The following ADAMTSL3 variants were observed in gnomAD, a reference collection of about 807,000 sequenced individuals.
The protein encoded by ADAMTSL3 is ADAMTS-like protein 3.
ADAMTSL3 carries 128 observed loss-of-function variants against 201.7 expected under a neutral mutation model. The ratio of observed to expected loss-of-function variants is 0.63; its 90% CI spans 0.55 to 0.73. ADAMTSL3 has a LOEUF of 0.73. ADAMTSL3 is among the 30% of genes least tolerant of loss of function. The probability of loss-of-function intolerance (pLI) is 0.00; values close to 1 mark genes in which losing one functional copy is unlikely to be tolerated. For missense variants in ADAMTSL3, 1,990 were observed against 2,119.6 expected (o/e 0.94, Z 1.20); for synonymous variants, 738 against 748.4 (o/e 0.99, Z 0.23).
intron 23 of ADAMTSL3, among the ~76,000 whole-genome samples, chr15:83,994,796 AC>A (rs2067655757): frequency 2.6e-5 from 1 of 38,084 alleles, no homozygotes; most frequent in Non-Finnish European, 4.1e-5. Context: ...TTTAGTAGAG[AC>A]GGGGGTTTCA....
chr15:83,714,454 A>G (rs2061972524), intron 3 of ADAMTSL3, among the ~76,000 whole-genome samples: 1 of 152,178 alleles, frequency 6.6e-6, no homozygotes, highest in Admixed American at 6.6e-5. Flanking sequence ...CAGCCTTTGC[A>G]TAAATTGTCC....
chr15:83,906,555 G>A (rs2141939858), intron 15 of ADAMTSL3, among the ~76,000 whole-genome samples: 1 of 151,720 alleles, frequency 6.6e-6, no homozygotes, highest in East Asian at 1.9e-4. Context: ...AACAGTAAAT[G>A]TGGTTGAATT....
At chr15:83,833,412 A>G (rs1433748431) in intron 6 of ADAMTSL3, among the ~76,000 whole-genome samples, 1 of 152,046 alleles carries the variant, frequency 6.6e-6, no homozygotes. Context: ...AAGGGTACTA[A>G]TCCTATTCAT....
chr15:83,854,281 A>G (rs2064685275), intron 7 of ADAMTSL3, among the ~76,000 whole-genome samples: 1 of 151,498 alleles, frequency 6.6e-6, no homozygotes, highest in South Asian at 2.1e-4. Context: ...AGTTCATTCC[A>G]GTTGTATTTT....
At position 83,898,143 on chromosome 15, in the gene ADAMTSL3, C is replaced by T. The variant is rs778593600; in HGVS notation, c.1615+138C>T. ...GACAGATTGCAATAGACCTTCCCAT[C>T]TAGATAAAGAAGTTAGATATATGTG... On this transcript the variant is annotated intron_variant, in intron 14 of 29. Transcript: ENST00000286744. 1.6e-5 allele frequency: 15 copies of T among 962,292 alleles called. No individual in the cohort carries two copies. In the Admixed American group the frequency reaches 2.0e-4, roughly 13 times the overall value. 59.6% of individuals were successfully genotyped at this position (962,292 alleles called of 1,614,324 possible). A position where few individuals can be genotyped will look rare whatever the true frequency, so the allele number is the denominator to read the frequency against.
At chr15:83,995,658 T>G (rs1442522059) in intron 23 of ADAMTSL3, among the ~76,000 whole-genome samples, 1 of 152,088 alleles carries the variant, frequency 6.6e-6, no homozygotes, top group Non-Finnish European at 1.5e-5. Context: ...TTCTTCTTAT[T>G]TATAGATAAT....
intron 6 of ADAMTSL3, among the ~76,000 whole-genome samples, chr15:83,836,080 G>A (rs1415932267): frequency 1.3e-5 from 2 of 152,124 alleles, no homozygotes; most frequent in Non-Finnish European, 2.9e-5. Flanking sequence ...TACATGCTAA[G>A]CATTCAATAA....
intron 23 of ADAMTSL3, among the ~76,000 whole-genome samples, chr15:84,011,804 A>G (rs2068011207): frequency 1.3e-5 from 2 of 152,248 alleles, no homozygotes; most frequent in South Asian, 4.1e-4. Context: ...TGTTGGCAAT[A>G]AACAACTATG....
At chr15:83,742,717 A>C (rs1365125727) in intron 3 of ADAMTSL3, among the ~76,000 whole-genome samples, 1 of 152,222 alleles carries the variant, frequency 6.6e-6, no homozygotes, top group African/African-American at 2.4e-5. Context: ...GAAGCTAGTA[A>C]GATTAGTTCT....
chr15:83,970,765 T>G (rs1004334778), intron 20 of ADAMTSL3, 128 bp downstream of exon 20: 13 of 1,219,178 alleles, frequency 1.1e-5, no homozygotes, highest in Admixed American at 2.3e-5. Context: ...GTACTCAGTG[T>G]TGTTTTCGGC....
intron 3 of ADAMTSL3, among the ~76,000 whole-genome samples, chr15:83,748,649 CAAAAAAAAA>C (rs71156097): frequency 1.4e-5 from 1 of 70,514 alleles, no homozygotes; most frequent in Non-Finnish European, 2.6e-5. Context: ...GACCCTGTCT[CAAAAAAAAA>C]AAAAAAAAAA....
chr15:83,729,055 T>A lies in ADAMTSL3; in HGVS notation c.189+24547T>A, dbSNP rs745442596. ...TAGGATAAAGGGTTTTTCTTCTCTT[T>A]CAGCAGTTTACATATGTGATGTTAC... On this transcript the variant is annotated intron_variant, in intron 3 of 29. Transcript: ENST00000286744. 2.0e-5 allele frequency among the ~76,000 whole-genome samples: 3 copies of A among 152,062 alleles called. No individual in the cohort carries two copies. In the East Asian group the frequency reaches 5.8e-4, roughly 29 times the overall value.
chr15:83,762,200 G>A (rs2062817993), intron 3 of ADAMTSL3, among the ~76,000 whole-genome samples: 1 of 152,074 alleles, frequency 6.6e-6, no homozygotes. Context: ...ACTGGTGTGA[G>A]CCACTGCGCT....
At chr15:83,787,248 TTC>T (rs1262994244) in intron 4 of ADAMTSL3, among the ~76,000 whole-genome samples, 1 of 152,250 alleles carries the variant, frequency 6.6e-6, no homozygotes, top group Non-Finnish European at 1.5e-5. Flanking sequence ...TGTTTTATTT[TTC>T]TGTTTCCACA....
chr15:83,830,383 C>G (rs766777230), intron 6 of ADAMTSL3, among the ~76,000 whole-genome samples: 38 of 152,130 alleles, frequency 2.5e-4, no homozygotes, highest in Non-Finnish European at 7.3e-5. Flanking sequence ...GAGAGGTGCC[C>G]CTGATGGGGA....
intron 3 of ADAMTSL3, among the ~76,000 whole-genome samples, chr15:83,754,961 A>G (rs1035680370): frequency 1.3e-5 from 2 of 152,172 alleles, no homozygotes; most frequent in Non-Finnish European, 2.9e-5. Context: ...CACCTTCCAG[A>G]TTTATATTGG....
intron 6 of ADAMTSL3, among the ~76,000 whole-genome samples, chr15:83,823,939 T>A (rs11630502): frequency 4.4e-5 from 5 of 114,330 alleles, no homozygotes; most frequent in African/African-American, 1.4e-4. Flanking sequence ...TTCTTCTTCT[T>A]CTTCTTCTTC....
At chr15:83,883,314 A>G (rs911930671) in intron 9 of ADAMTSL3, among the ~76,000 whole-genome samples, 7 of 151,656 alleles carry the variant, frequency 4.6e-5, no homozygotes, top group Admixed American at 4.6e-4. Context: ...CTGGGATTAC[A>G]GGCACGTGCC....
At chr15:83,660,963 G>A (rs1235122237) in intron 2 of ADAMTSL3, among the ~76,000 whole-genome samples, 1 of 147,200 alleles carries the variant, frequency 6.8e-6, no homozygotes, top group Non-Finnish European at 1.5e-5. Context: ...TTTGTATAAG[G>A]TGTAAGGAAG....
Sources: allele counts gnomAD v4.1 joint callset (sites outside exome capture counted in the v4.1 genomes callset), GRCh38; gene constraint gnomAD v4.1.1; transcripts MANE v1.5; gene names NCBI Gene and HGNC (gene_info 2026-07-23, HGNC 2026-07-21).